The following RGN variants were observed in gnomAD, a reference collection of about 807,000 sequenced individuals.
The protein encoded by RGN is epididymis secretory protein Li 41.
In RGN, 19 loss-of-function variants were observed where a neutral mutation model predicts 20.6. The observed-to-expected ratio is 0.92, with a 90% confidence interval of 0.64 to 1.35. The LOEUF is 1.35. RGN is among the 40% of genes most tolerant of loss of function. The probability of loss-of-function intolerance (pLI) is 0.00; values close to 1 mark genes in which losing one functional copy is unlikely to be tolerated. For missense variants in RGN, 302 were observed against 232.7 expected (o/e 1.30, Z -1.94); for synonymous variants, 85 against 87.2 (o/e 0.97, Z 0.14).
chrX:47,091,849 G>A (rs1358730067), intron 6 of RGN, 40 bp downstream of exon 6: 15 of 1,184,150 alleles, frequency 1.3e-5, no homozygotes, highest in Non-Finnish European at 1.7e-5. Flanking sequence ...GTCATGGCTA[G>A]GCAGAGATAT....
At chrX:47,088,597 G>A (rs142686569) in intron 4 of RGN, among the ~76,000 whole-genome samples, 653 of 110,305 alleles carry the variant, frequency 5.9e-3, no homozygotes, top group Middle Eastern at 0.014. Context: ...ATCTGGGGTT[G>A]TGTTCTAGAC....
Position 47,093,183 on chromosome X carries a change from A to T in RGN, c.*236A>T, listed in dbSNP as rs1190654703. Reference sequence around the variant, plus strand: ...CTATAGAAGGGCGAAGAATCGTTCAACTGTCAATCAGCCTCTTGATTCTTT... The same window carrying T: ...CTATAGAAGGGCGAAGAATCGTTCATCTGTCAATCAGCCTCTTGATTCTTT... On this transcript the variant is annotated 3_prime_UTR_variant, in exon 8 of 8. Coordinates refer to ENST00000397180, the MANE Select transcript of RGN (RefSeq NM_152869.4). 2.7e-5 allele frequency: 10 copies of T among 370,182 alleles called. No homozygotes were observed. The highest frequency in any genetic ancestry group is 2.6e-4 in the African/African-American group (10 of 38,519). The allele number at this position is 370,182 out of a possible 1,213,427, so 30.5% of individuals were successfully genotyped here. A position where few individuals can be genotyped will look rare whatever the true frequency, so the allele number is the denominator to read the frequency against.
At chrX:47,084,940 G>A (rs1455787205) in intron 4 of RGN, 1 of 180,623 alleles carries the variant, frequency 5.5e-6, no homozygotes, top group African/African-American at 3.0e-5. Flanking sequence ...GGGTGACAGA[G>A]TGAGACCCGG....
At position 47,081,202 on chromosome X, in the gene RGN, C is replaced by G; in HGVS notation, c.58C>G (p.Pro20Ala). The G allele has an allele frequency of 1.7e-6, 2 of 1,204,627 alleles. No individual in the cohort carries two copies. The highest frequency in any genetic ancestry group is 2.2e-6 in the Non-Finnish European group (2 of 889,121). The change falls in exon 3 of 8, where the codon CCA becomes GCA. Residue 20 changes from proline to alanine, a missense_variant. Transcript: ENST00000397180. ...LPENCRCGES[P>A]VWEEVSNSLL... Reference sequence around the variant, plus strand: ...AGAGAACTGCCGGTGTGGTGAGTCTCCAGTATGGGAGGAAGTGTCCAACTC... The same window carrying G: ...AGAGAACTGCCGGTGTGGTGAGTCTGCAGTATGGGAGGAAGTGTCCAACTC...
intron 4 of RGN, among the ~76,000 whole-genome samples, chrX:47,087,950 CTA>C (rs1200560692): frequency 1.6e-4 from 16 of 97,045 alleles, no homozygotes; most frequent in South Asian, 4.3e-4. Context: ...TATAATACAA[CTA>C]TATATATTAT....
At chrX:47,085,972 C>T (rs1556384115) in intron 4 of RGN, among the ~76,000 whole-genome samples, 1 of 112,446 alleles carries the variant, frequency 8.9e-6, no homozygotes, top group East Asian at 2.8e-4. Context: ...CCAGTTTTGT[C>T]AATTGTACAA....
intron 5 of RGN, among the ~76,000 whole-genome samples, chrX:47,091,235 G>A (rs994866262): frequency 9.0e-6 from 1 of 111,080 alleles, no homozygotes; most frequent in Non-Finnish European, 1.9e-5. Flanking sequence ...ACTCAGTCAG[G>A]CAGAAAAAGA....
intron 1 of RGN, among the ~76,000 whole-genome samples, chrX:47,079,040 ACCT>A (rs201695256): frequency 0.15 from 14,701 of 99,550 alleles, 1,031 homozygotes; most frequent in Admixed American, 0.22. Flanking sequence ...GCTCACTGCA[ACCT>A]CCTCCTCCCA....
intron 3 of RGN, among the ~76,000 whole-genome samples, chrX:47,083,929 A>C (rs1240886745): frequency 9.1e-6 from 1 of 110,462 alleles, no homozygotes; most frequent in Non-Finnish European, 1.9e-5. Context: ...AACAAACAAA[A>C]AAAAAAATGC....
At chrX:47,092,694 G>C (rs1385580242) in intron 7 of RGN, among the ~76,000 whole-genome samples, 13 of 112,115 alleles carry the variant, frequency 1.2e-4, no homozygotes. Flanking sequence ...TAAGTTAGTC[G>C]TAAATGATTG....
chrX:47,087,099 A>G (rs1193239866), intron 4 of RGN, among the ~76,000 whole-genome samples: 2 of 112,127 alleles, frequency 1.8e-5, no homozygotes, highest in African/African-American at 3.2e-5. Flanking sequence ...AATGACTTAC[A>G]TGCAGGTTTA....
intron 6 of RGN, 82 bp downstream of exon 6, chrX:47,091,891 C>T: frequency 1.8e-6 from 2 of 1,099,026 alleles, no homozygotes; most frequent in Non-Finnish European, 2.4e-6. Context: ...ATTTCTTTTC[C>T]TGTAGAGGTG....
At chrX:47,084,682 G>T (rs1463295257) in intron 4 of RGN, 82 bp downstream of exon 4, 71 of 906,464 alleles carry the variant, frequency 7.8e-5, no homozygotes, top group South Asian at 1.4e-4. Flanking sequence ...ACTGACCAGG[G>T]TGGTGGCTCC....
intron 4 of RGN, among the ~76,000 whole-genome samples, chrX:47,089,518 T>C: frequency 2.5e-5 from 1 of 39,653 alleles, no homozygotes; most frequent in Non-Finnish European, 4.5e-5. Context: ...TATATATACA[T>C]ATTATATATA....
chrX:47,089,188 A>G (rs1286373393), intron 4 of RGN, among the ~76,000 whole-genome samples: 1 of 104,921 alleles, frequency 9.5e-6, no homozygotes, highest in Non-Finnish European at 1.9e-5. Context: ...GGCTTTTCAG[A>G]GTTCCAAGAT....
chrX:47,089,836 C>T lies in RGN; in HGVS notation c.407C>T (p.Ser136Phe), dbSNP rs575850691. The change falls in exon 5 of 8, where the codon TCC becomes TTC. Residue 136 changes from serine (S) to phenylalanine (F), a missense_variant. Transcript: ENST00000397180. ...VLERHQGALYSLFPDHHVKKY... is the reference protein window; with the variant it reads ...VLERHQGALYFLFPDHHVKKY... ...GAGCGGCACCAGGGGGCCCTGTACT[C>T]CCTCTTTCCTGATCACCACGTGAAA... is the stretch of plus-strand genomic sequence containing the variant. 1 of 1,208,777 alleles carries T rather than the reference C, an allele frequency of 8.3e-7. No homozygotes were observed. Among genetic ancestry groups the T allele is most frequent in the African/African-American group, 1.8e-5 (1 of 57,078 alleles).
intron 7 of RGN, 96 bp from the exon 8 acceptor site, chrX:47,092,801 G>T: frequency 1.5e-6 from 1 of 686,202 alleles, no homozygotes; most frequent in Non-Finnish European, 2.3e-6. Context: ...AAAGATAATA[G>T]GTGGCTAAGT....
chrX:47,089,728 G>A, intron 4 of RGN, 48 bp from the exon 5 acceptor site: 2 of 987,793 alleles, frequency 2.0e-6, no homozygotes, highest in Non-Finnish European at 2.8e-6. Flanking sequence ...TGTCGTGCAT[G>A]GGGTAAGATG....
At chrX:47,091,834 T>C in intron 6 of RGN, 25 bp downstream of exon 6, 5 of 1,198,834 alleles carry the variant, frequency 4.2e-6, no homozygotes, top group Non-Finnish European at 5.6e-6. Context: ...AAATGAAAAA[T>C]CCTTGTCATG....
Sources: gnomAD v4.1 joint callset for allele counts (sites outside exome capture counted in the v4.1 genomes callset) on GRCh38, gnomAD v4.1.1 for gene constraint, MANE v1.5 for transcripts, NCBI Gene and HGNC (gene_info 2026-07-23, HGNC 2026-07-21) for gene names.